The following WDPCP variants were observed in gnomAD, a reference collection of about 807,000 sequenced individuals.
The protein encoded by WDPCP is WD repeat containing planar cell polarity effector.
In WDPCP, 71 loss-of-function variants were observed where a neutral mutation model predicts 93.1. The observed-to-expected ratio is 0.76, with a 90% CI of 0.63 to 0.93. The LOEUF (loss-of-function observed/expected upper bound fraction) is 0.93. Ranked by LOEUF, WDPCP falls within the 40% of genes least tolerant of loss-of-function variation. The pLI is 0.00. For missense variants in WDPCP, 844 were observed against 887.4 expected, an observed-to-expected ratio of 0.95 and a Z score of 0.62; for synonymous variants, 315 against 315.0, an observed-to-expected ratio of 1.00 and a Z score of 0.00.
At chr2:63,805,629 A>C (rs1575777904) in intron 2 of WDPCP, among the ~76,000 whole-genome samples, 1 of 152,346 alleles carries the variant, frequency 6.6e-6, no homozygotes, top group Non-Finnish European at 1.5e-5. Flanking sequence ...AAGTCCCTCC[A>C]CATGAAAACA....
At chr2:63,737,697 G>A (rs1669658021) in intron 2 of WDPCP, among the ~76,000 whole-genome samples, 2 of 151,828 alleles carry the variant, frequency 1.3e-5, no homozygotes, top group Non-Finnish European at 2.9e-5. Context: ...TGAATACTGG[G>A]GAAGATAAAA....
chr2:63,793,110 T>G (rs1025592156), intron 2 of WDPCP, among the ~76,000 whole-genome samples: 2 of 152,032 alleles, frequency 1.3e-5, no homozygotes, highest in African/African-American at 4.8e-5. Context: ...CAGTTTGAGC[T>G]TCTTGATTTT....
At chr2:63,407,272 A>C (rs11687234) in intron 9 of WDPCP, among the ~76,000 whole-genome samples, 62,956 of 151,762 alleles carry the variant, frequency 0.41, 13,315 homozygotes, top group Non-Finnish European at 0.43. Flanking sequence ...TCTATTGGCC[A>C]GATCAAGGAG....
rs767331955 is a variant in WDPCP at position 63,492,959 on chromosome 2, A to T, written c.76-19T>A. The T allele has an allele frequency of 6.2e-7, 1 of 1,604,790 alleles. No individual in the cohort carries two copies. The highest frequency in any genetic ancestry group is 1.7e-5 in the Admixed American group (1 of 59,926). On this transcript the variant is annotated intron_variant, in intron 1 of 17. Coordinates refer to ENST00000272321, the MANE Select transcript of WDPCP (RefSeq NM_015910.7). ...CTCTATCCTGTTTAAAAAATAATTA[A>T]AAAGAGGTGCCAATTAATTATCTTC...
At chr2:63,266,769 G>A (rs1471425444) in intron 13 of WDPCP, among the ~76,000 whole-genome samples, 1 of 152,096 alleles carries the variant, frequency 6.6e-6, no homozygotes, top group East Asian at 1.9e-4. Flanking sequence ...TCACTCCACT[G>A]CACTCTAGCC....
At chr2:63,229,060 G>A (rs1287295910) in intron 14 of WDPCP, 1 of 152,170 alleles carries the variant, frequency 6.6e-6, no homozygotes, top group Non-Finnish European at 1.5e-5. Context: ...CAGTGTAAAA[G>A]TGTTCCTATT....
chr2:63,303,970 C>CAA (rs34553510), intron 13 of WDPCP, among the ~76,000 whole-genome samples: 64,490 of 131,088 alleles, frequency 0.49, 15,640 homozygotes, highest in Admixed American at 0.57. Context: ...AGTAAAAAGT[C>CAA]AAAAAAAAAA....
chr2:63,375,229 A>G (rs1039387082), intron 12 of WDPCP, among the ~76,000 whole-genome samples: 4 of 152,066 alleles, frequency 2.6e-5, no homozygotes. Flanking sequence ...GTTTATGATG[A>G]AAAGCTCTCA....
chr2:63,382,258 T>C (rs779761060), intron 10 of WDPCP, among the ~76,000 whole-genome samples, 164 bp from the exon 11 acceptor site: 2 of 152,162 alleles, frequency 1.3e-5, no homozygotes, highest in African/African-American at 4.8e-5. Context: ...GATACACTGA[T>C]AACAACAAAA....
intron 14 of WDPCP, among the ~76,000 whole-genome samples, chr2:63,182,125 T>G (rs1322501167): frequency 2.6e-5 from 4 of 152,132 alleles, no homozygotes; most frequent in African/African-American, 9.7e-5. Context: ...CTTTTCCAAA[T>G]TTGGATGCCT....
intron 1 of WDPCP, among the ~76,000 whole-genome samples, chr2:63,524,381 C>T (rs1703163971): frequency 6.6e-6 from 1 of 152,174 alleles, no homozygotes; most frequent in Non-Finnish European, 1.5e-5. Context: ...AACCAAACAG[C>T]ATGGTACTAG....
In WDPCP at chr2:63,396,303, C is replaced by T. The variant is rs1186093503; in HGVS notation, c.1435+7745G>A. Among the ~76,000 whole-genome samples, 4 of 152,164 alleles carry T rather than the reference C, an allele frequency of 2.6e-5. 1 individual carries two copies. The highest frequency in any genetic ancestry group is 2.6e-4 in the Admixed American group (4 of 15,270). ...AACTCTTGAGGAAAATTGCTTTGTA[C>T]CAAATTTCCAAGAGAAAAATCATAC... On this transcript the variant is annotated intron_variant, in intron 10 of 17. Coordinates refer to ENST00000272321, the MANE Select transcript of WDPCP (RefSeq NM_015910.7).
At chr2:63,833,043 A>G in the WDPCP span, among the ~76,000 whole-genome samples, 1 of 152,208 alleles carries the variant, frequency 6.6e-6, no homozygotes, top group Non-Finnish European at 1.5e-5. Flanking sequence ...ACTTGAGGTC[A>G]GGAGTTCAGG....
intron 2 of WDPCP, among the ~76,000 whole-genome samples, chr2:63,801,498 G>T (rs569994111): frequency 6.6e-6 from 1 of 152,176 alleles, no homozygotes; most frequent in East Asian, 1.9e-4. Flanking sequence ...TGGACCCAGC[G>T]GGTTCCTGCT....
In WDPCP at chr2:63,310,753, G is replaced by A. The variant is rs143725798; in HGVS notation, c.1812+2495C>T. ...ACATGCCTGTAGTCTTAGCTCCTTT[G>A]GAGGCTAAGATAGGAGGATTGCTTG... is the stretch of plus-strand genomic sequence containing the variant. On this transcript the variant is annotated intron_variant, in intron 13 of 17. Transcript: ENST00000272321. 5.2e-4 allele frequency among the ~76,000 whole-genome samples: 79 copies of A among 152,202 alleles called. No homozygotes were observed. The East Asian group carries it at 0.013, about 25-fold the overall frequency.
chr2:63,227,572 G>C (rs1042503863), intron 14 of WDPCP, among the ~76,000 whole-genome samples: 1 of 152,020 alleles, frequency 6.6e-6, no homozygotes, highest in African/African-American at 2.4e-5. Context: ...GGAAATGGCA[G>C]TGGACTTAAA....
intron 14 of WDPCP, among the ~76,000 whole-genome samples, chr2:63,211,327 G>A (rs1385922029): frequency 6.6e-5 from 10 of 152,150 alleles, no homozygotes; most frequent in East Asian, 1.9e-4. Context: ...TGCAGCCTCC[G>A]CTGGTGATAC....
At chr2:63,536,526 A>C (rs1704290417) in intron 1 of WDPCP, among the ~76,000 whole-genome samples, 1 of 152,210 alleles carries the variant, frequency 6.6e-6, no homozygotes, top group Non-Finnish European at 1.5e-5. Flanking sequence ...AATACTATGC[A>C]GCCATAAAAA....
intron 14 of WDPCP, among the ~76,000 whole-genome samples, chr2:63,243,437 A>T (rs891775882): frequency 6.6e-6 from 1 of 151,900 alleles, no homozygotes; most frequent in African/African-American, 2.4e-5. Flanking sequence ...CCTTTGTTGT[A>T]TGCATAGTTT....
Sources: allele counts gnomAD v4.1 joint callset (sites outside exome capture counted in the v4.1 genomes callset), GRCh38; gene constraint gnomAD v4.1.1; transcripts MANE v1.5; gene names NCBI Gene and HGNC (gene_info 2026-07-23, HGNC 2026-07-21).